The following CDK14 variants were observed in gnomAD, a reference collection of about 807,000 sequenced individuals.
CDK14 encodes cyclin-dependent kinase 14.
A neutral mutation model predicts 60.7 loss-of-function variants in CDK14; 34 were observed. The ratio of observed to expected loss-of-function variants is 0.56; its 90% CI spans 0.43 to 0.75. The LOEUF (loss-of-function observed/expected upper bound fraction) is 0.75, where lower values mean the gene tolerates loss of function less well. Ranked by LOEUF, CDK14 falls within the 30% of genes least tolerant of loss-of-function variation. The pLI is 0.00. For synonymous variants in CDK14, 197 were observed against 203.7 expected (o/e 0.97, Z 0.28); for missense variants, 482 against 564.1 (o/e 0.85, Z 1.47).
intron 12 of CDK14, among the ~76,000 whole-genome samples, chr7:91,101,937 G>T (rs1045528475): frequency 5.3e-5 from 8 of 152,318 alleles, no homozygotes; most frequent in South Asian, 2.1e-4. Flanking sequence ...ATAAGAGGGG[G>T]TTACATGAGC....
At chr7:90,687,107 A>G (rs1227070668) in intron 2 of CDK14, among the ~76,000 whole-genome samples, 2 of 152,116 alleles carry the variant, frequency 1.3e-5, no homozygotes, top group Admixed American at 1.3e-4. Context: ...TTTCAAGTAG[A>G]TCAAATCATC....
At chr7:90,803,467 T>G (rs1788720506) in intron 5 of CDK14, among the ~76,000 whole-genome samples, 1 of 152,150 alleles carries the variant, frequency 6.6e-6, no homozygotes, top group Admixed American at 6.6e-5. Context: ...TAGGGCTTTG[T>G]GTTTGACTAG....
At chr7:90,768,932 T>G (rs1804675743) in intron 4 of CDK14, among the ~76,000 whole-genome samples, 1 of 152,242 alleles carries the variant, frequency 6.6e-6, no homozygotes, top group African/African-American at 2.4e-5. Flanking sequence ...TGTCGATTTT[T>G]GATAGTAATT....
chr7:90,866,488 A>G (rs1249668359), intron 6 of CDK14, among the ~76,000 whole-genome samples: 1 of 152,156 alleles, frequency 6.6e-6, no homozygotes, highest in African/African-American at 2.4e-5. Flanking sequence ...CCCCATGCCC[A>G]TTAAAACCCT....
chr7:90,706,609 C>T (rs1391459119), intron 2 of CDK14, among the ~76,000 whole-genome samples: 1 of 152,030 alleles, frequency 6.6e-6, no homozygotes, highest in Non-Finnish European at 1.5e-5. Flanking sequence ...CAGAGGAAAG[C>T]CAGAGAAGGA....
intron 14 of CDK14, among the ~76,000 whole-genome samples, chr7:91,154,683 G>A (rs1800931129): frequency 6.6e-6 from 1 of 152,140 alleles, no homozygotes. Flanking sequence ...GTTTCTTCCT[G>A]TGTAATGAGA....
intron 11 of CDK14, among the ~76,000 whole-genome samples, chr7:91,077,245 CCAAATGCCCAT>C (rs1466079241): frequency 2.0e-5 from 3 of 152,110 alleles, no homozygotes; most frequent in African/African-American, 7.2e-5. Context: ...TGGAACCAAC[CCAAATGCCCAT>C]CAATGATAGA....
At chr7:90,724,920 A>T (rs562975986) in intron 2 of CDK14, among the ~76,000 whole-genome samples, 3 of 152,178 alleles carry the variant, frequency 2.0e-5, no homozygotes, top group African/African-American at 7.2e-5. Flanking sequence ...ATGCTCCAAC[A>T]TACTTGTAAT....
chr7:90,754,585 C>T (rs990102079), intron 4 of CDK14, among the ~76,000 whole-genome samples: 1 of 152,138 alleles, frequency 6.6e-6, no homozygotes, highest in Non-Finnish European at 1.5e-5. Flanking sequence ...CGATTTATGA[C>T]TAAGTTCACA....
chr7:91,069,809 T>A (rs1427398396), intron 11 of CDK14, among the ~76,000 whole-genome samples: 1 of 152,194 alleles, frequency 6.6e-6, no homozygotes, highest in East Asian at 1.9e-4. Context: ...TTGTTTGTTG[T>A]TTGTTAGCAC....
chr7:90,812,669 T>C (rs1789181388), intron 5 of CDK14, among the ~76,000 whole-genome samples: 1 of 152,122 alleles, frequency 6.6e-6, no homozygotes, highest in Non-Finnish European at 1.5e-5. Context: ...GCAATGGTTT[T>C]CAAAGTTGTT....
intron 10 of CDK14, among the ~76,000 whole-genome samples, chr7:91,003,458 A>G (rs4728951): frequency 0.15 from 22,208 of 152,170 alleles, 1,837 homozygotes; most frequent in Middle Eastern, 0.28. Context: ...CAAAAATGAC[A>G]TGTCTTAGAA....
intron 10 of CDK14, among the ~76,000 whole-genome samples, chr7:90,998,104 C>T (rs1173971302): frequency 6.6e-6 from 1 of 152,026 alleles, no homozygotes; most frequent in Non-Finnish European, 1.5e-5. Context: ...TCCTAATATA[C>T]CATCATGTCA....
intron 14 of CDK14, among the ~76,000 whole-genome samples, chr7:91,148,928 G>T (rs1181439672): frequency 6.6e-6 from 1 of 152,172 alleles, no homozygotes; most frequent in Non-Finnish European, 1.5e-5. Context: ...GACACCATAT[G>T]TGAAAACCTG....
At chr7:90,964,379 A>G (rs1242800849) in intron 9 of CDK14, among the ~76,000 whole-genome samples, 1 of 152,222 alleles carries the variant, frequency 6.6e-6, no homozygotes, top group Non-Finnish European at 1.5e-5. Context: ...TGGAAAACCT[A>G]GGTCAGCTTC....
intron 5 of CDK14, among the ~76,000 whole-genome samples, chr7:90,831,428 C>T (rs1015275045): frequency 2.0e-5 from 3 of 152,156 alleles, no homozygotes; most frequent in Non-Finnish European, 2.9e-5. Flanking sequence ...CCAATCACCT[C>T]CCACCAGGAC....
intron 11 of CDK14, among the ~76,000 whole-genome samples, chr7:91,071,828 A>C (rs1195174713): frequency 6.6e-6 from 1 of 152,204 alleles, no homozygotes; most frequent in Non-Finnish European, 1.5e-5. Context: ...TCCCCTGCTG[A>C]AGCCAGGGAG....
At chr7:90,761,913 G>A (rs1218436273) in intron 4 of CDK14, among the ~76,000 whole-genome samples, 1 of 152,206 alleles carries the variant, frequency 6.6e-6, no homozygotes, top group Admixed American at 6.5e-5. Flanking sequence ...GAACAAAATT[G>A]ACAGGTCCCC....
intron 14 of CDK14, among the ~76,000 whole-genome samples, chr7:91,127,119 A>G (rs564683744): frequency 6.6e-6 from 1 of 152,268 alleles, no homozygotes; most frequent in African/African-American, 2.4e-5. Flanking sequence ...ATAATACCCA[A>G]TAGGGAAAAT....
Sources: allele counts gnomAD v4.1 joint callset (sites outside exome capture counted in the v4.1 genomes callset), GRCh38; gene constraint gnomAD v4.1.1; transcripts MANE v1.5; gene names NCBI Gene and HGNC (gene_info 2026-07-23, HGNC 2026-07-21).